The following MAGI2 variants were observed in gnomAD, a reference collection of about 807,000 sequenced individuals.
MAGI2 encodes membrane associated guanylate kinase, WW and PDZ domain containing 2.
A neutral mutation model predicts 133.3 loss-of-function variants in MAGI2; 35 were observed. The ratio of observed to expected loss-of-function variants is 0.26; its 90% CI spans 0.20 to 0.35. The LOEUF (loss-of-function observed/expected upper bound fraction) is 0.35, where lower values mean the gene tolerates loss of function less well. MAGI2 is among the 10% of genes least tolerant of loss of function. The probability of loss-of-function intolerance (pLI) is 1.00; values close to 1 mark genes in which losing one functional copy is unlikely to be tolerated. For missense variants in MAGI2, 1,636 were observed against 1,863.4 expected (o/e 0.88, Z 2.25); for synonymous variants, 729 against 710.6 (o/e 1.03, Z -0.41).
intron 20 of MAGI2, among the ~76,000 whole-genome samples, chr7:78,085,456 G>A (rs983341110): frequency 1.3e-5 from 2 of 151,912 alleles, no homozygotes; most frequent in African/African-American, 4.8e-5. Flanking sequence ...CCAGGAGTTC[G>A]AGGCTGCAGT....
At chr7:78,352,404 A>G (rs1791613056) in intron 7 of MAGI2, among the ~76,000 whole-genome samples, 1 of 152,224 alleles carries the variant, frequency 6.6e-6, no homozygotes, top group Non-Finnish European at 1.5e-5. Flanking sequence ...AATGGCATCT[A>G]TTTTACTTGG....
At chr7:78,380,810 T>C (rs561996800) in intron 6 of MAGI2, among the ~76,000 whole-genome samples, 52 of 152,294 alleles carry the variant, frequency 3.4e-4, no homozygotes, top group Non-Finnish European at 5.7e-4. Context: ...GAGATTATTA[T>C]GCATTGCACG....
chr7:78,715,847 A>ATTTTGTATTTTGTATTTTGT (rs59543870), intron 2 of MAGI2, among the ~76,000 whole-genome samples: 55,299 of 151,058 alleles, frequency 0.37, 10,323 homozygotes, highest in Middle Eastern at 0.44. Context: ...ATAAATACAA[A>ATTTTGTATTTTGTATTTTGT]ATATAAGTCC....
At chr7:78,344,980 A>G (rs775956634) in intron 8 of MAGI2, among the ~76,000 whole-genome samples, 41 of 152,210 alleles carry the variant, frequency 2.7e-4, no homozygotes, top group Non-Finnish European at 4.9e-4. Context: ...GTCTGACTTA[A>G]TATTTTTAAC....
chr7:78,882,109 G>GAAAAAA (rs1795915418), intron 2 of MAGI2, among the ~76,000 whole-genome samples: 3 of 50,846 alleles, frequency 5.9e-5, no homozygotes, highest in African/African-American at 1.5e-4. Flanking sequence ...AAAAAAAAAA[G>GAAAAAA]AAAAGAAAAA....
At chr7:78,521,674 G>C in intron 3 of MAGI2, 29 bp from the exon 4 acceptor site, 1 of 1,577,648 alleles carries the variant, frequency 6.3e-7, no homozygotes, top group South Asian at 1.1e-5. Flanking sequence ...CATTCTTGGA[G>C]TTAAATATTT....
At chr7:78,061,409 T>TACACACACAC (rs59531463) in intron 21 of MAGI2, among the ~76,000 whole-genome samples, 32 of 139,788 alleles carry the variant, frequency 2.3e-4, no homozygotes, top group Middle Eastern at 3.6e-3. Flanking sequence ...GGACTGGTTG[T>TACACACACAC]ACACACACAC....
chr7:78,548,033 A>G (rs1315470869), intron 3 of MAGI2, among the ~76,000 whole-genome samples: 1 of 152,214 alleles, frequency 6.6e-6, no homozygotes, highest in Non-Finnish European at 1.5e-5. Context: ...AAATTGCCCT[A>G]GCTCATGGTA....
rs143770810 is a variant in MAGI2, at chr7:78,134,793, G to A, written c.3031+228C>T. On this transcript the variant is annotated intron_variant, in intron 17 of 21. Transcript: ENST00000354212. ...GAATTCACACTATTTAGCCTGCAAT[G>A]TCACATAGCTTGACCTCTGAATGAA... 1,357 of 450,512 alleles carry A rather than the reference G, an allele frequency of 3.0e-3. 4 individuals are homozygous for A. The highest frequency in any genetic ancestry group is 4.6e-3 in the Non-Finnish European group (1,161 of 253,666). The allele number at this position is 450,512 out of a possible 1,614,324, so 27.9% of individuals were successfully genotyped here. A position where few individuals can be genotyped will look rare whatever the true frequency, so the allele number is the denominator to read the frequency against.
At chr7:78,212,909 T>TCAAGTGATC (rs1262115530) in intron 10 of MAGI2, among the ~76,000 whole-genome samples, 1 of 152,168 alleles carries the variant, frequency 6.6e-6, no homozygotes, top group African/African-American at 2.4e-5. Context: ...ATTCCTGGGC[T>TCAAGTGATC]CAAGTGATCC....
chr7:78,547,909 C>T (rs1277660824), intron 3 of MAGI2, among the ~76,000 whole-genome samples: 1 of 152,186 alleles, frequency 6.6e-6, no homozygotes, highest in Non-Finnish European at 1.5e-5. Context: ...GGGCACATTT[C>T]AATGGACTGA....
chr7:79,310,162 C>CAAAAAAAAAAA (rs71518921), intron 1 of MAGI2, among the ~76,000 whole-genome samples: 3 of 16,304 alleles, frequency 1.8e-4, no homozygotes, highest in East Asian at 2.4e-3. Flanking sequence ...GAGTCCATCT[C>CAAAAAAAAAAA]AAAAAAAAAA....
At chr7:78,888,654 C>T (rs769543115) in intron 2 of MAGI2, among the ~76,000 whole-genome samples, 4 of 152,202 alleles carry the variant, frequency 2.6e-5, no homozygotes, top group Non-Finnish European at 4.4e-5. Context: ...TCCGACAGAC[C>T]TGCAGCTAAG....
At chr7:79,368,132 A>G (rs1005602752) in intron 1 of MAGI2, among the ~76,000 whole-genome samples, 6 of 152,008 alleles carry the variant, frequency 3.9e-5, no homozygotes, top group African/African-American at 1.4e-4. Context: ...TATTTAGACC[A>G]AAAGTTTTCC....
chr7:78,299,743 C>CCT (rs1797666321), intron 9 of MAGI2, among the ~76,000 whole-genome samples: 1 of 152,024 alleles, frequency 6.6e-6, no homozygotes, highest in African/African-American at 2.4e-5. Flanking sequence ...TCTTCCTGAT[C>CCT]CTCTCCCTCC....
chr7:79,389,429 G>A (rs955974370), intron 1 of MAGI2, among the ~76,000 whole-genome samples: 13 of 151,992 alleles, frequency 8.6e-5, no homozygotes, highest in African/African-American at 2.9e-4. Flanking sequence ...TTATGAATGT[G>A]CTGTAATTAT....
intron 3 of MAGI2, chr7:78,618,863 G>A (rs976366074): frequency 6.6e-6 from 1 of 151,596 alleles, no homozygotes; most frequent in Non-Finnish European, 1.5e-5. Flanking sequence ...ACCAGAAGCT[G>A]TAAAGGACGG....
intron 2 of MAGI2, among the ~76,000 whole-genome samples, chr7:78,675,019 G>A (rs189788345): frequency 1.3e-5 from 2 of 152,264 alleles, no homozygotes; most frequent in African/African-American, 4.8e-5. Flanking sequence ...CTGAAACACT[G>A]TTTATTTTCA....
chr7:78,977,459 CAAAGAAAGAAAGAAAGAAAG>C (rs71095371), intron 2 of MAGI2, among the ~76,000 whole-genome samples: 10,049 of 138,456 alleles, frequency 0.073, 510 homozygotes, highest in East Asian at 0.11. Flanking sequence ...TTACAATTTA[CAAAGAAAGAAAGAAAGAAAG>C]AAAGAAAGAA....
Sources: allele counts gnomAD v4.1 joint callset (sites outside exome capture counted in the v4.1 genomes callset), GRCh38; gene constraint gnomAD v4.1.1; transcripts MANE v1.5; gene names NCBI Gene and HGNC (gene_info 2026-07-23, HGNC 2026-07-21).